The following SLC9A9 variants were observed in gnomAD, a reference collection of about 807,000 sequenced individuals.
SLC9A9 encodes the protein sodium/hydrogen exchanger 9.
SLC9A9 carries 62 observed loss-of-function variants against 77.8 expected under a neutral mutation model. The ratio of observed to expected loss-of-function variants is 0.80; its 90% CI spans 0.65 to 0.98. SLC9A9 has a LOEUF of 0.98. SLC9A9 is among the 50% of genes least tolerant of loss of function. The pLI, the probability that SLC9A9 is intolerant of heterozygous loss-of-function variation, is 0.00. For synonymous variants in SLC9A9, 320 were observed against 283.5 expected (o/e 1.13, Z -1.29); for missense variants, 775 against 774.9 (o/e 1.00, Z 0.00).
intron 12 of SLC9A9, among the ~76,000 whole-genome samples, chr3:143,410,178 G>A (rs548895445): frequency 6.6e-6 from 1 of 152,262 alleles, no homozygotes; most frequent in South Asian, 2.1e-4. Flanking sequence ...TCTCACATCA[G>A]GGCCCACACT....
intron 9 of SLC9A9, among the ~76,000 whole-genome samples, chr3:143,538,393 C>G (rs1286391540): frequency 6.6e-6 from 1 of 152,176 alleles, no homozygotes; most frequent in East Asian, 1.9e-4. Context: ...CTAGGGGATA[C>G]TGCAAATTAT....
chr3:143,724,067 C>A (rs1028708587), intron 4 of SLC9A9, among the ~76,000 whole-genome samples: 1 of 152,144 alleles, frequency 6.6e-6, no homozygotes, highest in Non-Finnish European at 1.5e-5. Context: ...CCCACTGCAG[C>A]GATTGTTTTT....
chr3:143,741,562 G>A (rs996473202), intron 4 of SLC9A9, among the ~76,000 whole-genome samples: 5 of 152,148 alleles, frequency 3.3e-5, no homozygotes, highest in African/African-American at 9.7e-5. Flanking sequence ...CTTTGTAAGT[G>A]TGGGTTATGC....
intron 9 of SLC9A9, among the ~76,000 whole-genome samples, chr3:143,543,600 G>A (rs2036728835): frequency 6.6e-6 from 1 of 151,970 alleles, no homozygotes; most frequent in South Asian, 2.1e-4. Context: ...GTCCATGAGT[G>A]CCCAACGTTT....
chr3:143,591,948 G>C (rs2037651731), intron 6 of SLC9A9, among the ~76,000 whole-genome samples: 1 of 152,196 alleles, frequency 6.6e-6, no homozygotes, highest in Non-Finnish European at 1.5e-5. Context: ...TGAACAACAA[G>C]CAAGGGACTC....
At chr3:143,687,806 G>A (rs182225186) in intron 5 of SLC9A9, among the ~76,000 whole-genome samples, 48 of 152,050 alleles carry the variant, frequency 3.2e-4, no homozygotes, top group Admixed American at 2.4e-3. Context: ...GTATAAAATC[G>A]AAGTGGCTGC....
chr3:143,493,299 T>G (rs2035779675), intron 11 of SLC9A9, among the ~76,000 whole-genome samples: 1 of 152,188 alleles, frequency 6.6e-6, no homozygotes, highest in African/African-American at 2.4e-5. Flanking sequence ...TGGCACCATT[T>G]ACACACTATT....
chr3:143,413,564 CT>C (rs1360896580), intron 12 of SLC9A9, among the ~76,000 whole-genome samples: 1 of 152,132 alleles, frequency 6.6e-6, no homozygotes, highest in Non-Finnish European at 1.5e-5. Context: ...GGAACCACAA[CT>C]TTAAATAACT....
chr3:143,468,913 G>T (rs1219727144), intron 11 of SLC9A9, among the ~76,000 whole-genome samples: 3 of 152,168 alleles, frequency 2.0e-5, no homozygotes, highest in Non-Finnish European at 4.4e-5. Context: ...TGTAATCCCA[G>T]CACTTCGGGA....
At chr3:143,405,874 T>G (rs1189665941) in intron 12 of SLC9A9, among the ~76,000 whole-genome samples, 1 of 152,240 alleles carries the variant, frequency 6.6e-6, no homozygotes, top group African/African-American at 2.4e-5. Context: ...GAATAGATTT[T>G]CTTGAACAAA....
At chr3:143,603,901 CT>C (rs2037883859) in intron 6 of SLC9A9, among the ~76,000 whole-genome samples, 2 of 152,162 alleles carry the variant, frequency 1.3e-5, no homozygotes, top group Admixed American at 6.5e-5. Flanking sequence ...AGAGGGGTGA[CT>C]TTTAGAAGGT....
rs200846875 is a variant in SLC9A9, at chr3:143,597,820, A to C, written c.756-19097T>G. Among the ~76,000 whole-genome samples the C allele has an allele frequency of 1.1e-4, 16 of 152,340 alleles. No homozygotes were observed. The East Asian group carries it at 3.1e-3, about 29-fold the overall frequency. Reference sequence around the variant, plus strand: ...TAGTCTCAAATGTAGAGATTTATCAAAGCTGTAAGGAAGGTATGGCGCTAA... The same window carrying C: ...TAGTCTCAAATGTAGAGATTTATCACAGCTGTAAGGAAGGTATGGCGCTAA... On this transcript the variant is annotated intron_variant, in intron 6 of 15. Transcript: ENST00000316549.
intron 12 of SLC9A9, among the ~76,000 whole-genome samples, chr3:143,382,861 T>C (rs747233485): frequency 5.8e-4 from 88 of 152,332 alleles, no homozygotes; most frequent in Middle Eastern, 3.4e-3. Flanking sequence ...AATGATTTTG[T>C]ATTAGAGAAT....
At chr3:143,343,497 C>G (rs1384562799) in intron 14 of SLC9A9, 1 of 152,096 alleles carries the variant, frequency 6.6e-6, no homozygotes, top group Non-Finnish European at 1.5e-5. Context: ...GCATGGTTTC[C>G]TAATGTGGTC....
At chr3:143,689,629 T>C (rs71307951) in intron 5 of SLC9A9, among the ~76,000 whole-genome samples, 7,802 of 152,020 alleles carry the variant, frequency 0.051, 282 homozygotes, top group Non-Finnish European at 0.072. Context: ...AGGCTGGTCT[T>C]GAACTTCTGG....
intron 6 of SLC9A9, among the ~76,000 whole-genome samples, chr3:143,637,705 A>G (rs2038548561): frequency 6.6e-6 from 1 of 152,162 alleles, no homozygotes; most frequent in African/African-American, 2.4e-5. Flanking sequence ...TAAAGGTGAG[A>G]ATAGATATGT....
rs1275817707 is a variant in SLC9A9 at position 143,265,356 on chromosome 3, G to C, written c.*1346C>G. On this transcript the variant is annotated 3_prime_UTR_variant, in exon 16 of 16. Transcript: ENST00000316549. ...ACTTGTGCCCCAGAGATTCTGTTTG[G>C]AAAGCAAAAAAATAATTGATGCACA... The C allele has an allele frequency of 1.3e-5, 2 of 152,310 alleles. No individual in the cohort carries two copies. Among genetic ancestry groups the C allele is most frequent in the East Asian group, 3.8e-4 (2 of 5,196 alleles). 9.4% of individuals were successfully genotyped at this position (152,310 alleles called of 1,614,324 possible). A position where few individuals can be genotyped will look rare whatever the true frequency, so the allele number is the denominator to read the frequency against.
intron 14 of SLC9A9, among the ~76,000 whole-genome samples, chr3:143,316,587 G>A (rs1056449489): frequency 3.3e-5 from 5 of 152,150 alleles, no homozygotes; most frequent in Non-Finnish European, 5.9e-5. Context: ...TGACAATGAT[G>A]TATCACAATG....
intron 14 of SLC9A9, among the ~76,000 whole-genome samples, chr3:143,331,369 T>TTAAAGTATTA (rs1237252410): frequency 1.1e-4 from 16 of 152,246 alleles, no homozygotes; most frequent in Non-Finnish European, 1.6e-4. Context: ...AAGTATCCTG[T>TTAAAGTATTA]GTAATATTAC....
Sources: gnomAD v4.1 joint callset for allele counts (sites outside exome capture counted in the v4.1 genomes callset) on GRCh38, gnomAD v4.1.1 for gene constraint, MANE v1.5 for transcripts, NCBI Gene and HGNC (gene_info 2026-07-23, HGNC 2026-07-21) for gene names.